The following ITFG1 variants were observed in gnomAD, a reference collection of about 807,000 sequenced individuals.
ITFG1 encodes T-cell immunomodulatory protein.
A neutral mutation model predicts 81.8 loss-of-function variants in ITFG1; 34 were observed. That is an observed-to-expected ratio of 0.42 (90% confidence interval 0.32 to 0.55). ITFG1 has a LOEUF of 0.55. ITFG1 is among the 20% of genes least tolerant of loss of function. ITFG1 has a pLI of 0.17. For synonymous variants in ITFG1, 285 were observed against 270.6 expected, an observed-to-expected ratio of 1.05 and a Z score of -0.52; for missense variants, 672 against 755.4, an observed-to-expected ratio of 0.89 and a Z score of 1.29.
At chr16:47,447,842 T>C (rs1454265902) in intron 5 of ITFG1, among the ~76,000 whole-genome samples, 2 of 152,226 alleles carry the variant, frequency 1.3e-5, no homozygotes, top group Non-Finnish European at 2.9e-5. Context: ...AATGTATCTC[T>C]AATAGCACAG....
intron 6 of ITFG1, among the ~76,000 whole-genome samples, chr16:47,411,626 T>A (rs1255085776): frequency 6.6e-6 from 1 of 152,084 alleles, no homozygotes; most frequent in Non-Finnish European, 1.5e-5. Flanking sequence ...CCAGCAGGAC[T>A]CTGAATGCTG....
chr16:47,396,041 A>T, intron 6 of ITFG1: 1 of 404,042 alleles, frequency 2.5e-6, no homozygotes, highest in Non-Finnish European at 3.3e-6. Flanking sequence ...TTTACATCTA[A>T]TCTGTTATCC....
chr16:47,301,169 A>C (rs1185073816), intron 10 of ITFG1, among the ~76,000 whole-genome samples: 2 of 152,224 alleles, frequency 1.3e-5, no homozygotes, highest in East Asian at 3.8e-4. Flanking sequence ...GAACAAAACA[A>C]GCACCATTAG....
intron 6 of ITFG1, among the ~76,000 whole-genome samples, chr16:47,419,614 T>TG (rs1490769019): frequency 7.0e-6 from 1 of 143,772 alleles, no homozygotes; most frequent in Non-Finnish European, 1.5e-5. Context: ...TTTTTTTTTT[T>TG]TTTTTTTTTT....
chr16:47,239,501 A>T (rs1162479375), intron 12 of ITFG1, among the ~76,000 whole-genome samples: 3 of 151,990 alleles, frequency 2.0e-5, no homozygotes, highest in Non-Finnish European at 2.9e-5. Context: ...GTCTGGCCAG[A>T]TATTTTTTTT....
rs1222007051 is a variant in ITFG1, at chr16:47,376,964, C to CAAAAAAAAAAAAAAAAAAAAAA, written c.656-1046_656-1025dup. Reference sequence around the variant, plus strand: ...GAGACAGAGGGAGACTCTGTCTCCCCAAAAAAAAAAAAAAAAAAAAAAAAA... The same window carrying CAAAAAAAAAAAAAAAAAAAAAA: ...GAGACAGAGGGAGACTCTGTCTCCCCAAAAAAAAAAAAAAAAAAAAAAAAAAAAAAAAAAAAAAAAAAAAAAA... On this transcript the variant is annotated intron_variant, in intron 6 of 17. Transcript: ENST00000320640. Among the ~76,000 whole-genome samples, 34 of 18,072 alleles carry CAAAAAAAAAAAAAAAAAAAAAA rather than the reference C, an allele frequency of 1.9e-3. 13 individuals carry two copies. The highest frequency in any genetic ancestry group is 4.2e-3 in the African/African-American group (34 of 8,052). The allele number at this position is 18,072 out of a possible 152,430, so 11.9% of individuals were successfully genotyped here. A position where few individuals can be genotyped will look rare whatever the true frequency, so the allele number is the denominator to read the frequency against.
At chr16:47,450,946 G>A (rs1969380932) in intron 5 of ITFG1, among the ~76,000 whole-genome samples, 1 of 152,204 alleles carries the variant, frequency 6.6e-6, no homozygotes, top group South Asian at 2.1e-4. Flanking sequence ...TCACTGACAA[G>A]TTTCCAGAGC....
At chr16:47,383,660 C>T (rs1968423239) in intron 6 of ITFG1, among the ~76,000 whole-genome samples, 1 of 152,240 alleles carries the variant, frequency 6.6e-6, no homozygotes, top group Non-Finnish European at 1.5e-5. Context: ...AATCCCAACA[C>T]TTTGGGAGGC....
chr16:47,278,446 C>T (rs1344169833), intron 10 of ITFG1, among the ~76,000 whole-genome samples: 1 of 152,128 alleles, frequency 6.6e-6, no homozygotes, highest in East Asian at 1.9e-4. Context: ...GAAGGGGCGG[C>T]TGCTGCTACC....
chr16:47,309,926 G>C (rs112863127), intron 10 of ITFG1, among the ~76,000 whole-genome samples: 58 of 152,320 alleles, frequency 3.8e-4, no homozygotes, highest in African/African-American at 1.3e-3. Flanking sequence ...CTTCTGAATA[G>C]AGCCAATGTC....
chr16:47,436,434 G>C (rs1275705731), intron 5 of ITFG1, among the ~76,000 whole-genome samples: 1 of 152,088 alleles, frequency 6.6e-6, no homozygotes, highest in East Asian at 1.9e-4. Context: ...CATTTTATTA[G>C]TTTGATAATT....
intron 10 of ITFG1, among the ~76,000 whole-genome samples, chr16:47,301,965 T>A (rs1182684356): frequency 1.3e-5 from 2 of 152,060 alleles, no homozygotes; most frequent in Non-Finnish European, 2.9e-5. Flanking sequence ...TATTTTCTCA[T>A]GGATGCCAGA....
rs568334775 is a variant in ITFG1 at position 47,350,102 on chromosome 16, A to T, written c.802+15686T>A. Among the ~76,000 whole-genome samples the T allele has an allele frequency of 3.9e-5, 6 of 152,358 alleles. No individual in the cohort carries two copies. In the East Asian group the frequency reaches 5.8e-4, roughly 15 times the overall value. The stretch of plus-strand genomic sequence containing the variant: ...AAATTTATAGCACTAAATGCCCACA[A>T]GAGAAAGAAGGAAAGATCTAAAATT... On this transcript the variant is annotated intron_variant, in intron 8 of 17. Transcript: ENST00000320640.
chr16:47,244,591 TTGTGTGTGTGTGTG>T (rs57470225), intron 12 of ITFG1, among the ~76,000 whole-genome samples: 5,308 of 118,172 alleles, frequency 0.045, 244 homozygotes, highest in African/African-American at 0.11. Context: ...ATTCCATCTT[TTGTGTGTGTGTGTG>T]TGTGTGTGTG....
intron 7 of ITFG1, among the ~76,000 whole-genome samples, chr16:47,370,838 A>T (rs1194344836): frequency 6.6e-6 from 1 of 152,206 alleles, no homozygotes; most frequent in Non-Finnish European, 1.5e-5. Context: ...CAGAGGCCCC[A>T]CCAGCGGTGG....
At chr16:47,273,478 T>A (rs1432968934) in intron 10 of ITFG1, among the ~76,000 whole-genome samples, 1 of 152,214 alleles carries the variant, frequency 6.6e-6, no homozygotes, top group Non-Finnish European at 1.5e-5. Context: ...TTGCAACATA[T>A]GCTACTGACA....
chr16:47,183,748 A>T (rs958569845), intron 14 of ITFG1, among the ~76,000 whole-genome samples: 2 of 152,250 alleles, frequency 1.3e-5, no homozygotes, highest in African/African-American at 4.8e-5. Context: ...CTCCAAAGGA[A>T]CGCAGTTCCT....
chr16:47,454,769 T>G (rs1187116088), intron 2 of ITFG1, among the ~76,000 whole-genome samples: 1 of 152,152 alleles, frequency 6.6e-6, no homozygotes, highest in African/African-American at 2.4e-5. Flanking sequence ...TATATTTTTA[T>G]TAACAAAATA....
intron 8 of ITFG1, among the ~76,000 whole-genome samples, chr16:47,326,521 A>G (rs1298979802): frequency 2.0e-5 from 3 of 152,216 alleles, no homozygotes; most frequent in Non-Finnish European, 4.4e-5. Context: ...TTAGGAAAAG[A>G]GGAAGTCAAA....
Sources: gnomAD v4.1 joint callset for allele counts (sites outside exome capture counted in the v4.1 genomes callset) on GRCh38, gnomAD v4.1.1 for gene constraint, MANE v1.5 for transcripts, NCBI Gene and HGNC (gene_info 2026-07-23, HGNC 2026-07-21) for gene names.